Variants in TPD52L1 observed in about 807,000 individuals in gnomAD.
The protein encoded by TPD52L1 is TPD52 like 1.
TPD52L1 carries 18 observed loss-of-function variants against 28.7 expected under a neutral mutation model. The observed-to-expected ratio is 0.63, with a 90% CI of 0.43 to 0.93. The LOEUF (loss-of-function observed/expected upper bound fraction) is 0.93. TPD52L1 is among the 40% of genes least tolerant of loss of function. The pLI is 0.00. For synonymous variants in TPD52L1, 75 were observed against 88.8 expected, an observed-to-expected ratio of 0.84 and a Z score of 0.88; for missense variants, 203 against 254.8, an observed-to-expected ratio of 0.80 and a Z score of 1.39.
At chr6:125,185,756 G>A (rs1792557084) in intron 1 of TPD52L1, among the ~76,000 whole-genome samples, 1 of 152,050 alleles carries the variant, frequency 6.6e-6, no homozygotes, top group South Asian at 2.1e-4. Flanking sequence ...AAATTCAAAA[G>A]TTAATTTGGG....
intron 1 of TPD52L1, among the ~76,000 whole-genome samples, chr6:125,216,523 GTGTGTGTATATATATATA>G (rs1794887587): frequency 2.2e-5 from 1 of 45,116 alleles, no homozygotes; most frequent in Non-Finnish European, 4.0e-5. Flanking sequence ...AATTCAGTAT[GTGTGTGTATATATATATA>G]TATATATATA....
At chr6:125,242,016 GT>G (rs1172499289) in intron 3 of TPD52L1, among the ~76,000 whole-genome samples, 4 of 151,804 alleles carry the variant, frequency 2.6e-5, no homozygotes, top group African/African-American at 7.3e-5. Flanking sequence ...GTTTTGATAA[GT>G]TGTCTCACTA....
At chr6:125,156,463 CA>C (rs758623258) in intron 1 of TPD52L1, among the ~76,000 whole-genome samples, 20 of 37,234 alleles carry the variant, frequency 5.4e-4, no homozygotes, top group East Asian at 2.4e-3. Flanking sequence ...GACCTTGTCT[CA>C]AAAAAAAAAA....
At chr6:125,160,749 C>T (rs1790464249) in intron 1 of TPD52L1, among the ~76,000 whole-genome samples, 1 of 152,128 alleles carries the variant, frequency 6.6e-6, no homozygotes, top group Non-Finnish European at 1.5e-5. Context: ...TTAGTTTAGC[C>T]ACTTTCATCA....
chr6:125,253,887 C>A, intron 5 of TPD52L1, 132 bp downstream of exon 5: 2 of 901,050 alleles, frequency 2.2e-6, no homozygotes, highest in Non-Finnish European at 3.7e-6. Context: ...AAAGAAAAGG[C>A]TGACAATTCT....
chr6:125,186,796 G>A (rs771973392), intron 1 of TPD52L1, among the ~76,000 whole-genome samples: 5 of 152,104 alleles, frequency 3.3e-5, no homozygotes, highest in African/African-American at 7.2e-5. Context: ...GACTTTTATT[G>A]TATGCCTTAT....
At position 125,263,603 on chromosome 6, in the gene TPD52L1, C is replaced by T. The variant is rs1480764183; in HGVS notation, c.*641C>T. ...GTGCGGCGGCTCACACCTGTAATCC[C>T]AACTATTTTGGATGCCAAGGTGAGA... On this transcript the variant is annotated 3_prime_UTR_variant, in exon 7 of 7. Coordinates refer to ENST00000534000, the MANE Select transcript of TPD52L1 (RefSeq NM_003287.4). 1 of 152,604 alleles carries T rather than the reference C, an allele frequency of 6.6e-6. No homozygotes were observed. The highest frequency in any genetic ancestry group is 2.4e-5 in the African/African-American group (1 of 41,410). The allele number at this position is 152,604 out of a possible 1,614,324, so 9.5% of individuals were successfully genotyped here.
At chr6:125,251,952 T>C in intron 4 of TPD52L1, 13 of 1,495,274 alleles carry the variant, frequency 8.7e-6, no homozygotes, top group South Asian at 4.8e-5. Context: ...CCAAGGGCAG[T>C]GCAGTGTTTC....
intron 1 of TPD52L1, among the ~76,000 whole-genome samples, chr6:125,181,125 C>T (rs73771258): frequency 0.15 from 22,456 of 151,914 alleles, 1,921 homozygotes; most frequent in East Asian, 0.36. Context: ...GTAATGAATA[C>T]GATGTTAATA....
intron 1 of TPD52L1, among the ~76,000 whole-genome samples, chr6:125,160,850 C>CTTT (rs57061570): frequency 0.059 from 7,570 of 129,328 alleles, 305 homozygotes; most frequent in Middle Eastern, 0.096. Flanking sequence ...ACAGAGATGA[C>CTTT]TTTTTTTTTT....
chr6:125,219,981 G>A, intron 1 of TPD52L1, 97 bp from the exon 2 acceptor site: 1 of 835,630 alleles, frequency 1.2e-6, no homozygotes, highest in Non-Finnish European at 2.1e-6. Flanking sequence ...TTGGTGGGAG[G>A]GTCTGTCAGT....
intron 4 of TPD52L1, among the ~76,000 whole-genome samples, chr6:125,248,840 A>G (rs1180126161): frequency 1.3e-5 from 2 of 152,166 alleles, no homozygotes; most frequent in African/African-American, 4.8e-5. Context: ...TAAAGGTACC[A>G]CACATATACA....
At chr6:125,233,166 C>T (rs17052915) in intron 3 of TPD52L1, among the ~76,000 whole-genome samples, 38 of 152,188 alleles carry the variant, frequency 2.5e-4, no homozygotes, top group African/African-American at 7.0e-4. Context: ...AATGGTAAGT[C>T]GACAGAGGGC....
chr6:125,246,016 A>G (rs964731511), intron 3 of TPD52L1, among the ~76,000 whole-genome samples: 5 of 152,196 alleles, frequency 3.3e-5, no homozygotes, highest in African/African-American at 1.2e-4. Context: ...CTTTCACCCC[A>G]TGACCCCTCC....
At chr6:125,237,754 C>A (rs1582991765) in intron 3 of TPD52L1, among the ~76,000 whole-genome samples, 1 of 147,776 alleles carries the variant, frequency 6.8e-6, no homozygotes, top group East Asian at 2.2e-4. Context: ...AGCAATTCTC[C>A]TGCCTCAGCC....
At chr6:125,223,891 G>C (rs377429123) in intron 2 of TPD52L1, among the ~76,000 whole-genome samples, 1 of 151,920 alleles carries the variant, frequency 6.6e-6, no homozygotes, top group Non-Finnish European at 1.5e-5. Flanking sequence ...ATTAGCTTGA[G>C]TTATTTTATA....
intron 1 of TPD52L1, among the ~76,000 whole-genome samples, chr6:125,218,572 G>A (rs1014748467): frequency 7.9e-5 from 12 of 151,992 alleles, no homozygotes; most frequent in African/African-American, 1.7e-4. Context: ...TCCATATAGC[G>A]TCTTTGATAA....
chr6:125,172,552 A>ACATACATACATACATATACACACT (rs71024714), intron 1 of TPD52L1, among the ~76,000 whole-genome samples: 2 of 72,398 alleles, frequency 2.8e-5, no homozygotes, highest in African/African-American at 1.2e-4. Context: ...ATATATATAT[A>ACATACATACATACATATACACACT]ATATATATAC....
In TPD52L1 at chr6:125,245,227, C is replaced by T. The variant is rs539821414; in HGVS notation, c.285-3055C>T. Among the ~76,000 whole-genome samples, 20 of 152,268 alleles carry T rather than the reference C, an allele frequency of 1.3e-4. No individual in the cohort carries two copies. The South Asian group carries it at 3.3e-3, about 25-fold the overall frequency. On this transcript the variant is annotated intron_variant, in intron 3 of 6. Coordinates refer to ENST00000534000, the MANE Select transcript of TPD52L1 (RefSeq NM_003287.4). ...AGTGAAGTCGTCATGTGGACAGACTCAGGACCTCTGGTTAGCCAGGATGTT... is the reference window on the plus strand; with the variant it reads ...AGTGAAGTCGTCATGTGGACAGACTTAGGACCTCTGGTTAGCCAGGATGTT...
Sources: allele counts gnomAD v4.1 joint callset (sites outside exome capture counted in the v4.1 genomes callset), GRCh38; gene constraint gnomAD v4.1.1; transcripts MANE v1.5; gene names NCBI Gene and HGNC (gene_info 2026-07-23, HGNC 2026-07-21).